The following NRG1 variants were observed in gnomAD, a reference collection of about 807,000 sequenced individuals.
NRG1 encodes the protein neuregulin 1, also known as pro-neuregulin-1, membrane-bound isoform.
In NRG1, 18 loss-of-function variants were observed where a neutral mutation model predicts 63.8. The observed-to-expected ratio is 0.28, with a 90% confidence interval of 0.19 to 0.42. NRG1 has a LOEUF of 0.42. NRG1 is among the 10% of genes least tolerant of loss of function. The pLI, the probability that NRG1 is intolerant of heterozygous loss-of-function variation, is 1.00. For synonymous variants in NRG1, 302 were observed against 301.3 expected (o/e 1.00, Z -0.02); for missense variants, 762 against 814.7 (o/e 0.94, Z 0.79).
rs558083433 is a variant in NRG1, at chr8:32,386,198, C to T, written c.38-209630C>T. Among the ~76,000 whole-genome samples the T allele has an allele frequency of 1.7e-4, 26 of 152,280 alleles. 1 individual carries two copies. Among genetic ancestry groups the T allele is most frequent in the Middle Eastern group, 3.4e-3 (1 of 294 alleles). ...CTCACTGCAGCCTCAAACTACTGGC[C>T]TCAAGCAATCCTCCTGCCTCAGCCT... On this transcript the variant is annotated intron_variant, in intron 1 of 10. Coordinates refer to the NRG1 transcript ENST00000519301.
At chr8:31,691,411 C>T (rs1030181431) in intron 1 of NRG1, among the ~76,000 whole-genome samples, 8 of 151,210 alleles carry the variant, frequency 5.3e-5, no homozygotes, top group African/African-American at 9.7e-5. Flanking sequence ...TTCGAGACCA[C>T]GGTGAAACCC....
chr8:32,224,529 C>G (rs1027986704), intron 1 of NRG1, among the ~76,000 whole-genome samples: 1 of 152,306 alleles, frequency 6.6e-6, no homozygotes, highest in South Asian at 2.1e-4. Flanking sequence ...ATTACAGATG[C>G]TATAATCCTG....
At chr8:32,413,742 A>T (rs1815446623) in intron 1 of NRG1, among the ~76,000 whole-genome samples, 1 of 152,194 alleles carries the variant, frequency 6.6e-6, no homozygotes, top group Non-Finnish European at 1.5e-5. Flanking sequence ...CTGAACATGC[A>T]TAGGCAGTGT....
chr8:32,268,390 C>T (rs1005819604), intron 1 of NRG1, among the ~76,000 whole-genome samples: 1 of 152,164 alleles, frequency 6.6e-6, no homozygotes, highest in African/African-American at 2.4e-5. Flanking sequence ...AAGTTTTTAG[C>T]TGTTGTGAGT....
intron 2 of NRG1, among the ~76,000 whole-genome samples, chr8:32,605,106 A>G (rs959623602): frequency 1.3e-5 from 2 of 152,190 alleles, no homozygotes; most frequent in Non-Finnish European, 2.9e-5. Context: ...AGTGCACAGT[A>G]TTTTTAAAAT....
At chr8:32,029,560 A>T (rs1249121891) in intron 1 of NRG1, 1 of 152,198 alleles carries the variant, frequency 6.6e-6, no homozygotes, top group Non-Finnish European at 1.5e-5. Context: ...CAGTTGATTG[A>T]CTGAAGCTAG....
At chr8:31,808,112 A>C (rs968654300) in intron 1 of NRG1, among the ~76,000 whole-genome samples, 5 of 151,760 alleles carry the variant, frequency 3.3e-5, no homozygotes, top group Admixed American at 6.6e-5. Flanking sequence ...AACTGGAATT[A>C]TTTTTTAGAA....
intron 1 of NRG1, among the ~76,000 whole-genome samples, chr8:32,331,362 A>AAAT (rs1802627170): frequency 1.2e-5 from 1 of 84,400 alleles, no homozygotes; most frequent in Non-Finnish European, 2.3e-5. Context: ...TCTACAAAAA[A>AAAT]TACAAAAAAA....
At position 32,749,531 on chromosome 8, in the gene NRG1, C is replaced by CT. The variant is rs3832550; in HGVS notation, c.692-4833dup. ...TTTCTGAAACTTTTTCCCTTTCTTT[C>CT]TTTTTTTTGTCAACTTTCTGCATTG... On this transcript the variant is annotated intron_variant, in intron 7 of 11. Coordinates refer to ENST00000356819, the Ensembl canonical transcript of NRG1. The CT allele has an allele frequency of 2.5e-4, 400 of 1,611,480 alleles. 1 individual carries two copies. The highest frequency in any genetic ancestry group is 2.9e-4 in the Non-Finnish European group (338 of 1,178,198).
intron 5 of NRG1, among the ~76,000 whole-genome samples, chr8:32,688,553 C>T (rs1810782687): frequency 6.6e-6 from 1 of 152,168 alleles, no homozygotes; most frequent in Admixed American, 6.5e-5. Flanking sequence ...CCCCTCTGCT[C>T]AACCCCAGCC....
At chr8:32,098,179 TTTAA>T (rs1430966195) in intron 1 of NRG1, among the ~76,000 whole-genome samples, 1 of 152,180 alleles carries the variant, frequency 6.6e-6, no homozygotes, top group South Asian at 2.1e-4. Flanking sequence ...AGAGAAAGTG[TTTAA>T]TTAAAGAGAA....
At chr8:32,042,277 T>C (rs1242283656) in intron 1 of NRG1, among the ~76,000 whole-genome samples, 1 of 151,532 alleles carries the variant, frequency 6.6e-6, no homozygotes, top group Non-Finnish European at 1.5e-5. Flanking sequence ...ACCAGGTTGC[T>C]AGGAAAAAGA....
intron 1 of NRG1, among the ~76,000 whole-genome samples, chr8:32,009,999 A>C (rs1198568542): frequency 6.6e-6 from 1 of 151,900 alleles, no homozygotes; most frequent in Non-Finnish European, 1.5e-5. Flanking sequence ...ATTGTAGAGA[A>C]GGTGATGTAA....
intron 1 of NRG1, among the ~76,000 whole-genome samples, chr8:31,716,383 C>T (rs751706182): frequency 2.7e-4 from 41 of 152,182 alleles, no homozygotes; most frequent in South Asian, 1.0e-3. Context: ...CCTTCCAACT[C>T]GAGCATGGCA....
intron 1 of NRG1, among the ~76,000 whole-genome samples, chr8:32,322,196 A>C (rs896954903): frequency 2.0e-5 from 3 of 151,902 alleles, no homozygotes; most frequent in Non-Finnish European, 4.4e-5. Flanking sequence ...CTCTAAAAAA[A>C]AAGAAAAAAA....
chr8:32,461,909 T>C (rs1486462241), intron 1 of NRG1, among the ~76,000 whole-genome samples: 1 of 152,238 alleles, frequency 6.6e-6, no homozygotes, highest in Non-Finnish European at 1.5e-5. Context: ...TAGGCTTCAG[T>C]TTCTTCTTCA....
rs372216683 is a variant in NRG1 at position 32,364,957 on chromosome 8, C to CTTTTTTTTTTTTTTTTTTTTT, written c.38-230852_38-230851insTTTTTTTTTTTTTTTTTTTTT. On this transcript the variant is annotated intron_variant, in intron 1 of 10. Coordinates refer to the NRG1 transcript ENST00000519301. Reference sequence around the variant, plus strand: ...TGAATAAAATGTACTCCCTTTACTACTTTTTTTTTTTTTTTTTTTGAGACA... The same window carrying CTTTTTTTTTTTTTTTTTTTTT: ...TGAATAAAATGTACTCCCTTTACTACTTTTTTTTTTTTTTTTTTTTTTTTTTTTTTTTTTTTTTTTGAGACA... Among the ~76,000 whole-genome samples, 23 of 108,438 alleles carry CTTTTTTTTTTTTTTTTTTTTT rather than the reference C, an allele frequency of 2.1e-4. 1 individual carries two copies. The highest frequency in any genetic ancestry group is 3.2e-4 in the Non-Finnish European group (18 of 55,922). 71.1% of individuals were successfully genotyped at this position (108,438 alleles called of 152,430 possible).
intron 1 of NRG1, chr8:32,098,935 A>G (rs1830216794): frequency 3.3e-5 from 5 of 152,212 alleles, no homozygotes; most frequent in Non-Finnish European, 7.3e-5. Flanking sequence ...TTGTAAAGGC[A>G]GTGAGCAGGA....
Position 32,290,450 on chromosome 8 carries a change from C to CCATTTCA in NRG1, c.38-305374_38-305368dup, listed in dbSNP as rs1854058549. 2.0e-5 allele frequency among the ~76,000 whole-genome samples: 3 copies of CCATTTCA among 152,030 alleles called. No homozygotes were observed. In the South Asian group the frequency reaches 6.2e-4, roughly 32 times the overall value. On this transcript the variant is annotated intron_variant, in intron 1 of 10. Transcript: ENST00000519301. ...GTTACCCATGAAGGAATCAATGACACCATTTCACATATGATTGCAGTTACC... is the reference window on the plus strand; with the variant it reads ...GTTACCCATGAAGGAATCAATGACACCATTTCACATTTCACATATGATTGCAGTTACC...
Sources: allele counts gnomAD v4.1 joint callset (sites outside exome capture counted in the v4.1 genomes callset), GRCh38; gene constraint gnomAD v4.1.1; transcripts MANE v1.5; gene names NCBI Gene and HGNC (gene_info 2026-07-23, HGNC 2026-07-21).